Variants in CCNG1 observed in about 807,000 individuals in gnomAD.
The protein encoded by CCNG1 is cyclin G1.
In CCNG1, 13 loss-of-function variants were observed where a neutral mutation model predicts 30.0. That is an observed-to-expected ratio of 0.43 (90% CI 0.28 to 0.69). The LOEUF is 0.69. CCNG1 is among the 30% of genes least tolerant of loss of function. The pLI is 0.16. For missense variants in CCNG1, 285 were observed against 331.4 expected, an observed-to-expected ratio of 0.86 and a Z score of 1.09; for synonymous variants, 110 against 121.5, an observed-to-expected ratio of 0.91 and a Z score of 0.62.
At chr5:163,438,468 G>C (rs907354024) in intron 1 of CCNG1, among the ~76,000 whole-genome samples, 5 of 152,274 alleles carry the variant, frequency 3.3e-5, no homozygotes, top group African/African-American at 1.2e-4. Flanking sequence ...AGCGTCTACT[G>C]TATGTGCTAA....
the CCNG1 span, chr5:163,452,514 C>T: frequency 6.6e-6 from 1 of 151,870 alleles, no homozygotes; most frequent in Non-Finnish European, 1.5e-5. Flanking sequence ...TTTTAACCTG[C>T]TGAATAAAAT....
chr5:163,445,197 TTTG>T (rs1235444547), downstream of CCNG1, among the ~76,000 whole-genome samples: 6 of 151,966 alleles, frequency 3.9e-5, no homozygotes, highest in Non-Finnish European at 2.9e-5. Flanking sequence ...GACACTTTAC[TTTG>T]TTTTTTCTGA....
downstream of CCNG1, chr5:163,450,403 A>G (rs1387865703): frequency 6.6e-6 from 1 of 152,234 alleles, no homozygotes; most frequent in African/African-American, 2.4e-5. Context: ...TCAACAAAGT[A>G]AAGAGAGAAT....
At chr5:163,453,897 T>C in the CCNG1 span, 1 of 772,618 alleles carries the variant, frequency 1.3e-6, no homozygotes, top group South Asian at 2.6e-5. Flanking sequence ...TTTCTTCCAT[T>C]ACATAATCTG....
At chr5:163,441,042 G>A (rs774966156) in intron 2 of CCNG1, 36 bp from the exon 3 acceptor site, 1 of 1,590,316 alleles carries the variant, frequency 6.3e-7, no homozygotes, top group African/African-American at 1.4e-5. Flanking sequence ...ATAAGGTAGA[G>A]TCATGGGCTT....
chr5:163,455,093 G>A, the CCNG1 span, among the ~76,000 whole-genome samples: 3 of 151,980 alleles, frequency 2.0e-5, no homozygotes, highest in East Asian at 1.9e-4. Context: ...TTGGCCCAAG[G>A]GCTGTAGTTT....
chr5:163,457,569 C>G, the CCNG1 span: 1 of 1,573,316 alleles, frequency 6.4e-7, no homozygotes, highest in Non-Finnish European at 8.7e-7. Context: ...TACCCAAAGT[C>G]CATGTTCCCT....
chr5:163,439,075 G>T, intron 1 of CCNG1, 182 bp from the exon 2 acceptor site: 1 of 558,376 alleles, frequency 1.8e-6, no homozygotes, highest in Non-Finnish European at 3.1e-6. Flanking sequence ...CTCAATTTAG[G>T]ATGTGACCAA....
intron 5 of CCNG1, 26 bp from the exon 6 acceptor site, chr5:163,442,348 A>T (rs149929987): frequency 1.9e-6 from 3 of 1,546,958 alleles, no homozygotes; most frequent in Non-Finnish European, 2.6e-6. Flanking sequence ...TGGAGTAATA[A>T]TTTTTTAAAA....
At chr5:163,442,337 T>A (rs1274157492) in intron 5 of CCNG1, 37 bp from the exon 6 acceptor site, 4 of 1,484,188 alleles carry the variant, frequency 2.7e-6, no homozygotes, top group Non-Finnish European at 3.7e-6. Context: ...TGGGACTTAC[T>A]TGGAGTAATA....
At chr5:163,453,540 G>A in the CCNG1 span, 2 of 152,442 alleles carry the variant, frequency 1.3e-5, no homozygotes, top group African/African-American at 4.8e-5. Flanking sequence ...CTATAATTTT[G>A]TGTGAATTGT....
intron 3 of CCNG1, 41 bp from the exon 4 acceptor site, chr5:163,441,845 T>C (rs1757829913): frequency 8.4e-7 from 1 of 1,187,710 alleles, no homozygotes; most frequent in South Asian, 1.3e-5. Context: ...TGACTAGATG[T>C]AGTATTACCT....
downstream of CCNG1, chr5:163,445,974 A>T (rs1292068027): frequency 6.6e-6 from 1 of 152,162 alleles, no homozygotes; most frequent in Non-Finnish European, 1.5e-5. Context: ...CGTGGTTGCT[A>T]ATGCCAGGTA....
Position 163,444,287 on chromosome 5 carries a change from C to T in CCNG1, c.*617C>T, listed in dbSNP as rs756560845. On this transcript the variant is annotated 3_prime_UTR_variant, in exon 7 of 7. Coordinates refer to ENST00000340828, the MANE Select transcript of CCNG1 (RefSeq NM_004060.4). ...ATTTTATATAAAGAAAAATACAGAC[C>T]TATAAAGTTTGGCATATTCATTAAG... 6.6e-6 allele frequency: 1 copy of T among 152,464 alleles called. No homozygotes were observed. The highest frequency in any genetic ancestry group is 1.5e-5 in the Non-Finnish European group (1 of 67,990). The allele number at this position is 152,464 out of a possible 1,614,324, so 9.4% of individuals were successfully genotyped here. A position where few individuals can be genotyped will look rare whatever the true frequency, so the allele number is the denominator to read the frequency against.
At chr5:163,456,957 T>C in the CCNG1 span, 1 of 1,611,554 alleles carries the variant, frequency 6.2e-7, no homozygotes, top group Non-Finnish European at 8.5e-7. Flanking sequence ...TAATGTAAGC[T>C]TTCTCTGCAT....
intron 2 of CCNG1, among the ~76,000 whole-genome samples, chr5:163,440,189 T>C (rs2069347): frequency 0.41 from 62,160 of 151,864 alleles, 13,310 homozygotes; most frequent in Non-Finnish European, 0.49. Flanking sequence ...TCTAACACAG[T>C]GCATCATAAA....
rs148964722 is a variant in CCNG1 at position 163,441,098 on chromosome 5, G to A, written c.285G>A (p.Gly95=). 15 of 1,613,720 alleles carry A rather than the reference G, an allele frequency of 9.3e-6. No individual in the cohort carries two copies. The African/African-American group carries it at 2.0e-4, about 22-fold the overall frequency. Residue 95 remains glycine, a synonymous_variant, in exon 3 of 7, where the codon GGG becomes GGA. Transcript: ENST00000340828. ...SKMKVQPKHL[G]CVGLSCFYLA... is the part of the protein sequence containing the mutation. ...TTTAGGTACAGCCCAAGCACCTTGG[G>A]TGTGTTGGACTGAGCTGCTTTTATT...
chr5:163,456,554 T>C, the CCNG1 span, among the ~76,000 whole-genome samples: 1 of 151,972 alleles, frequency 6.6e-6, no homozygotes, highest in Non-Finnish European at 1.5e-5. Flanking sequence ...AAACAAGCAA[T>C]AGCCAACATA....
chr5:163,439,400 T>C lies in CCNG1; in HGVS notation c.144T>C (p.Thr48=), dbSNP rs1258752108. 2 of 1,614,074 alleles carry C rather than the reference T, an allele frequency of 1.2e-6. No homozygotes were observed. The highest frequency in any genetic ancestry group is 2.7e-5 in the African/African-American group (2 of 74,926). Residue 48 remains threonine (T), a synonymous_variant, in exon 2 of 7, where the codon ACT becomes ACC. Transcript: ENST00000340828. Reference sequence around the variant, plus strand: ...CACACGATAATGGCCTCAGAATGACTGCAAGACTAAGGGACTTTGAAGTAA... The same window carrying C: ...CACACGATAATGGCCTCAGAATGACCGCAAGACTAAGGGACTTTGAAGTAA... ...ESAHDNGLRM[T]ARLRDFEVKD...
Sources: allele counts gnomAD v4.1 joint callset (sites outside exome capture counted in the v4.1 genomes callset), GRCh38; gene constraint gnomAD v4.1.1; transcripts MANE v1.5; gene names NCBI Gene and HGNC (gene_info 2026-07-23, HGNC 2026-07-21).